The following CXCL13 variants were observed in gnomAD, a reference collection of about 807,000 sequenced individuals.
CXCL13 encodes C-X-C motif chemokine ligand 13.
In CXCL13, 7 loss-of-function variants were observed where a neutral mutation model predicts 12.2. The ratio of observed to expected loss-of-function variants is 0.57; its 90% confidence interval spans 0.33 to 1.07. The LOEUF (loss-of-function observed/expected upper bound fraction) is 1.07. Among genes scored for constraint, CXCL13 ranks in the 50% least tolerant of loss-of-function variants. The pLI is 0.04. For synonymous variants in CXCL13, 47 were observed against 42.4 expected, an observed-to-expected ratio of 1.11 and a Z score of -0.42; for missense variants, 113 against 127.4, an observed-to-expected ratio of 0.89 and a Z score of 0.55.
At chr4:77,563,098 T>A (rs1725850131) in intron 1 of CXCL13, among the ~76,000 whole-genome samples, 1 of 152,152 alleles carries the variant, frequency 6.6e-6, no homozygotes, top group Non-Finnish European at 1.5e-5. Flanking sequence ...GCTTCACTCC[T>A]GAGGCCAGTG....
chr4:77,516,794 T>A (rs1299746136), intron 1 of CXCL13, among the ~76,000 whole-genome samples: 1 of 152,166 alleles, frequency 6.6e-6, no homozygotes, highest in African/African-American at 2.4e-5. Context: ...AGGGTTTTTG[T>A]GTCTCTATTT....
intron 1 of CXCL13, among the ~76,000 whole-genome samples, chr4:77,562,923 G>A (rs1725846582): frequency 6.6e-6 from 1 of 152,160 alleles, no homozygotes; most frequent in African/African-American, 2.4e-5. Flanking sequence ...GGCCAGATAA[G>A]GGAATAAAAG....
chr4:77,589,143 C>T (rs750798839), intron 1 of CXCL13, among the ~76,000 whole-genome samples: 6 of 152,210 alleles, frequency 3.9e-5, no homozygotes, highest in Admixed American at 6.5e-5. Flanking sequence ...TCAACAGTTT[C>T]GCATTCCGCA....
chr4:77,582,890 A>C (rs1726372893), intron 1 of CXCL13, among the ~76,000 whole-genome samples: 1 of 152,300 alleles, frequency 6.6e-6, no homozygotes, highest in East Asian at 1.9e-4. Context: ...AGGAATGTGG[A>C]CTTTTGGAAC....
intron 1 of CXCL13, among the ~76,000 whole-genome samples, chr4:77,577,536 G>A (rs545987019): frequency 2.0e-5 from 3 of 152,198 alleles, no homozygotes; most frequent in African/African-American, 7.2e-5. Flanking sequence ...ATGGATAAAG[G>A]TCATGCTAGT....
chr4:77,543,286 T>C (rs997481298), intron 1 of CXCL13, among the ~76,000 whole-genome samples: 1 of 152,112 alleles, frequency 6.6e-6, no homozygotes, highest in African/African-American at 2.4e-5. Context: ...TGTCTATCAA[T>C]CTTGTTGATC....
At chr4:77,596,414 G>T (rs1053649940) in intron 1 of CXCL13, among the ~76,000 whole-genome samples, 5 of 152,124 alleles carry the variant, frequency 3.3e-5, no homozygotes, top group African/African-American at 1.2e-4. Flanking sequence ...TAGTATGGAG[G>T]TTACTCCAAA....
chr4:77,530,346 G>T (rs989511647), intron 1 of CXCL13, among the ~76,000 whole-genome samples: 1 of 152,206 alleles, frequency 6.6e-6, no homozygotes, highest in African/African-American at 2.4e-5. Flanking sequence ...GTTTCGGAAG[G>T]AATGGTACCA....
chr4:77,524,924 A>G (rs1724722409), intron 1 of CXCL13, among the ~76,000 whole-genome samples: 1 of 152,262 alleles, frequency 6.6e-6, no homozygotes. Context: ...TTACAAAATT[A>G]GACCATGCAT....
chr4:77,609,305 T>TG (rs1727090913), intron 2 of CXCL13, among the ~76,000 whole-genome samples: 3 of 151,240 alleles, frequency 2.0e-5, no homozygotes, highest in African/African-American at 7.3e-5. Flanking sequence ...TTTGGGTTTT[T>TG]TTTTTGTTTT....
intron 1 of CXCL13, among the ~76,000 whole-genome samples, chr4:77,582,296 T>C (rs1253313984): frequency 2.0e-5 from 3 of 152,158 alleles, no homozygotes; most frequent in Non-Finnish European, 4.4e-5. Flanking sequence ...TCTGGTGGCA[T>C]ATTGGATGAA....
chr4:77,549,593 C>T (rs188874293), intron 1 of CXCL13, among the ~76,000 whole-genome samples: 2 of 152,286 alleles, frequency 1.3e-5, no homozygotes, highest in South Asian at 2.1e-4. Flanking sequence ...CAGTCAGGAC[C>T]CTCAGCTGCA....
intron 1 of CXCL13, among the ~76,000 whole-genome samples, chr4:77,559,561 T>A (rs1470440570): frequency 6.6e-6 from 1 of 152,010 alleles, no homozygotes; most frequent in Non-Finnish European, 1.5e-5. Flanking sequence ...ACCATCCACC[T>A]CTTTCTTCCA....
intron 1 of CXCL13, among the ~76,000 whole-genome samples, chr4:77,520,622 C>T (rs1396330394): frequency 6.6e-6 from 1 of 152,142 alleles, no homozygotes; most frequent in African/African-American, 2.4e-5. Context: ...TGGGCTGAGA[C>T]AATGGGGTTT....
At chr4:77,569,309 G>C (rs1354705182) in intron 1 of CXCL13, among the ~76,000 whole-genome samples, 5 of 152,186 alleles carry the variant, frequency 3.3e-5, no homozygotes, top group Non-Finnish European at 2.9e-5. Context: ...CAAATAGGAA[G>C]AGAGGAAGTC....
intron 1 of CXCL13, among the ~76,000 whole-genome samples, chr4:77,530,512 A>G (rs1157238326): frequency 6.6e-6 from 1 of 152,102 alleles, no homozygotes; most frequent in Non-Finnish European, 1.5e-5. Flanking sequence ...GTGAGGGTGT[A>G]TGTGTTCAGG....
chr4:77,513,910 T>G (rs530479303), intron 1 of CXCL13, among the ~76,000 whole-genome samples: 7 of 151,866 alleles, frequency 4.6e-5, no homozygotes, highest in Non-Finnish European at 1.0e-4. Context: ...AACCACTAAC[T>G]CGTCATCTAG....
rs144211799 is a variant in CXCL13 at position 77,610,348 on chromosome 4, A to G, written c.198-266A>G. Among the ~76,000 whole-genome samples the G allele has an allele frequency of 4.9e-4, 75 of 152,290 alleles. 1 individual carries two copies. In the East Asian group the frequency reaches 0.012, roughly 25 times the overall value. ...TTGTTCTCCAATGCACGTAAATGTT[A>G]TCAACAAAACACTAACCTCTGACAT... On this transcript the variant is annotated intron_variant, in intron 2 of 3. Transcript: ENST00000682537.
intron 1 of CXCL13, among the ~76,000 whole-genome samples, chr4:77,540,342 G>T (rs1221820170): frequency 6.6e-6 from 1 of 152,144 alleles, no homozygotes; most frequent in Non-Finnish European, 1.5e-5. Flanking sequence ...GAGTTTTGGG[G>T]TATGATTGAT....
Sources: allele counts gnomAD v4.1 joint callset (sites outside exome capture counted in the v4.1 genomes callset), GRCh38; gene constraint gnomAD v4.1.1; transcripts MANE v1.5; gene names NCBI Gene and HGNC (gene_info 2026-07-23, HGNC 2026-07-21).